STXBP6: variants seen among roughly 807,000 people sequenced by gnomAD.
The protein encoded by STXBP6 is syntaxin binding protein 6.
Under a neutral mutation model 26.9 loss-of-function variants are expected in STXBP6, and 21 were observed. The observed-to-expected ratio is 0.78, with a 90% CI of 0.55 to 1.12. STXBP6 has a LOEUF of 1.12. Ranked by LOEUF, STXBP6 falls within the 50% of genes most tolerant of loss-of-function variation. STXBP6 has a pLI of 0.00. For synonymous variants in STXBP6, 97 were observed against 92.6 expected (o/e 1.05, Z -0.27); for missense variants, 232 against 257.9 (o/e 0.90, Z 0.69).
At chr14:24,872,076 A>G (rs2069956106) in intron 2 of STXBP6, among the ~76,000 whole-genome samples, 1 of 152,178 alleles carries the variant, frequency 6.6e-6, no homozygotes, top group African/African-American at 2.4e-5. Flanking sequence ...GGAACTAACA[A>G]TATCAAACAA....
rs1193275049 is a variant in STXBP6 at position 25,049,263 on chromosome 14, C to G, written c.-33+615G>C. ...TGAGGCTCGATGCCGGCGTGCACGG[C>G]AAGCGCGAATTCGGAACCTGGCGCC... On this transcript the variant is annotated intron_variant, in intron 1 of 5. Coordinates refer to ENST00000323944, the MANE Select transcript of STXBP6 (RefSeq NM_001394410.1). The surrounding 1 kb of genome is among the most constrained non-coding windows in gnomAD (Gnocchi z 5.6). The G allele has an allele frequency of 1.0e-6, 1 of 985,322 alleles. No homozygotes were observed. Among genetic ancestry groups the G allele is most frequent in the African/African-American group, 1.7e-5 (1 of 57,226 alleles). The allele number at this position is 985,322 out of a possible 1,614,324, so 61.0% of individuals were successfully genotyped here.
intron 4 of STXBP6, among the ~76,000 whole-genome samples, chr14:24,823,825 G>C (rs748766401): frequency 6.6e-6 from 1 of 152,128 alleles, no homozygotes; most frequent in Non-Finnish European, 1.5e-5. Flanking sequence ...GTGTAAAATA[G>C]ATATGGGTTC....
intron 2 of STXBP6, among the ~76,000 whole-genome samples, chr14:24,928,892 T>A (rs1341393148): frequency 6.6e-6 from 1 of 152,088 alleles, no homozygotes; most frequent in Admixed American, 6.6e-5. Flanking sequence ...CTTTGGATAA[T>A]CAATCCAAGT....
rs866445017 is a variant in STXBP6 at position 24,935,640 on chromosome 14, A to G, written c.154+39025T>C. On this transcript the variant is annotated intron_variant, in intron 2 of 5. Transcript: ENST00000323944. ...TACAATATAACAGTATTTTCTAAAA[A>G]CATCTAAGAGGAAATGTGTCTGCAA... Among the ~76,000 whole-genome samples the G allele has an allele frequency of 3.2e-4, 48 of 152,210 alleles. 1 individual carries two copies. Among genetic ancestry groups the G allele is most frequent in the African/African-American group, 1.2e-3 (48 of 41,458 alleles).
At chr14:24,813,821 C>T (rs1226484669) in intron 5 of STXBP6, among the ~76,000 whole-genome samples, 2 of 152,234 alleles carry the variant, frequency 1.3e-5, no homozygotes, top group Admixed American at 1.3e-4. Context: ...CCTGAGTCTT[C>T]TCTTTCTCTT....
At chr14:24,921,717 C>T (rs1298135247) in intron 2 of STXBP6, among the ~76,000 whole-genome samples, 3 of 152,072 alleles carry the variant, frequency 2.0e-5, no homozygotes, top group African/African-American at 4.8e-5. Context: ...GAAAGTCAGG[C>T]GGCAAATTAC....
Position 24,811,306 on chromosome 14 carries a change from C to G in STXBP6, c.*1403G>C, listed in dbSNP as rs544999609. On this transcript the variant is annotated 3_prime_UTR_variant, in exon 6 of 6. Coordinates refer to ENST00000323944, the MANE Select transcript of STXBP6 (RefSeq NM_001394410.1). ...CTATGTAAGAGGCTGCAATACATAT[C>G]GACTCAATCAGCAAAATGGATAGGA... 6.6e-6 allele frequency: 1 copy of G among 152,086 alleles called. No homozygotes were observed. The highest frequency in any genetic ancestry group is 2.4e-5 in the African/African-American group (1 of 41,400). The allele number at this position is 152,086 out of a possible 1,614,324, so 9.4% of individuals were successfully genotyped here.
intron 4 of STXBP6, among the ~76,000 whole-genome samples, chr14:24,825,856 G>C (rs2068264795): frequency 6.6e-6 from 1 of 152,146 alleles, no homozygotes; most frequent in Non-Finnish European, 1.5e-5. Flanking sequence ...ATATCTTTAG[G>C]ATTTACTTAA....
At chr14:24,832,467 C>T (rs1594926659) in intron 4 of STXBP6, among the ~76,000 whole-genome samples, 1 of 152,146 alleles carries the variant, frequency 6.6e-6, no homozygotes, top group South Asian at 2.1e-4. Flanking sequence ...AGCTGATAGT[C>T]GTAGGGGAAT....
intron 4 of STXBP6, among the ~76,000 whole-genome samples, chr14:24,825,031 G>A (rs746850087): frequency 3.3e-5 from 5 of 152,188 alleles, no homozygotes; most frequent in African/African-American, 7.2e-5. Flanking sequence ...AAATGACTTC[G>A]TGAAATGAGA....
chr14:24,991,694 A>C (rs1023627999), intron 1 of STXBP6, among the ~76,000 whole-genome samples: 15 of 152,218 alleles, frequency 9.9e-5, no homozygotes, highest in Non-Finnish European at 2.9e-5. Context: ...AATTCAAACC[A>C]CACTAAATAT....
At chr14:24,825,425 A>C (rs2068253384) in intron 4 of STXBP6, among the ~76,000 whole-genome samples, 1 of 152,210 alleles carries the variant, frequency 6.6e-6, no homozygotes, top group Admixed American at 6.5e-5. Context: ...AATTTCAAGG[A>C]CCAAGAAACT....
At chr14:24,985,838 TG>T (rs2074316687) in intron 1 of STXBP6, among the ~76,000 whole-genome samples, 3 of 152,352 alleles carry the variant, frequency 2.0e-5, no homozygotes, top group African/African-American at 7.2e-5. Flanking sequence ...GTTTAATGCC[TG>T]GAAGTGATCC....
At chr14:24,869,692 G>A (rs376435740) in intron 2 of STXBP6, among the ~76,000 whole-genome samples, 2 of 152,232 alleles carry the variant, frequency 1.3e-5, no homozygotes, top group East Asian at 3.9e-4. Flanking sequence ...CTCAAAACTC[G>A]GCTGGTCATG....
At chr14:24,831,753 A>G (rs940684876) in intron 4 of STXBP6, among the ~76,000 whole-genome samples, 1 of 152,204 alleles carries the variant, frequency 6.6e-6, no homozygotes, top group Admixed American at 6.5e-5. Context: ...TTCAAATTCT[A>G]TCTCAAACCT....
chr14:24,966,538 A>G (rs2073739565), intron 2 of STXBP6, among the ~76,000 whole-genome samples: 1 of 152,218 alleles, frequency 6.6e-6, no homozygotes, highest in Non-Finnish European at 1.5e-5. Context: ...AGTAGAAATA[A>G]CAAGAGAAGG....
chr14:25,039,439 G>T (rs180725368), intron 1 of STXBP6, among the ~76,000 whole-genome samples: 5 of 152,232 alleles, frequency 3.3e-5, no homozygotes, highest in Admixed American at 3.3e-4. Context: ...CTCTCATTCT[G>T]TCTTCAGCTG....
At chr14:25,016,160 T>C (rs924898368) in intron 1 of STXBP6, among the ~76,000 whole-genome samples, 1 of 152,174 alleles carries the variant, frequency 6.6e-6, no homozygotes, top group African/African-American at 2.4e-5. Flanking sequence ...CTATTCTTAT[T>C]ATAACCTATT....
At position 24,947,320 on chromosome 14, in the gene STXBP6, C is replaced by T. The variant is rs557793336; in HGVS notation, c.154+27345G>A. 3.9e-5 allele frequency among the ~76,000 whole-genome samples: 6 copies of T among 152,130 alleles called. No homozygotes were observed. In the South Asian group the frequency reaches 1.2e-3, roughly 32 times the overall value. On this transcript the variant is annotated intron_variant, in intron 2 of 5. Coordinates refer to ENST00000323944, the MANE Select transcript of STXBP6 (RefSeq NM_001394410.1). The stretch of plus-strand genomic sequence containing the variant: ...AATGACAGCCATGATGGGAACAGCC[C>T]ACAGAAGGGAACACAGATGGCATTT...
Sources: allele counts gnomAD v4.1 joint callset (sites outside exome capture counted in the v4.1 genomes callset), GRCh38; gene constraint gnomAD v4.1.1; non-coding constraint Gnocchi (gnomAD v3.1); transcripts MANE v1.5; gene names NCBI Gene and HGNC (gene_info 2026-07-23, HGNC 2026-07-21).